The following SMYD3 variants were observed in gnomAD, a reference collection of about 807,000 sequenced individuals.
SMYD3 encodes the protein SET and MYND domain containing 3.
Under a neutral mutation model 57.7 loss-of-function variants are expected in SMYD3, and 36 were observed. That is an observed-to-expected ratio of 0.62 (90% CI 0.48 to 0.82). SMYD3 has a LOEUF of 0.82. Ranked by LOEUF, SMYD3 falls within the 40% of genes least tolerant of loss-of-function variation. SMYD3 has a pLI of 0.00. For synonymous variants in SMYD3, 211 were observed against 195.0 expected, an observed-to-expected ratio of 1.08 and a Z score of -0.68; for missense variants, 515 against 538.8, an observed-to-expected ratio of 0.96 and a Z score of 0.44.
At chr1:246,184,240 G>A (rs2062597869) in intron 5 of SMYD3, among the ~76,000 whole-genome samples, 1 of 152,210 alleles carries the variant, frequency 6.6e-6, no homozygotes, top group Non-Finnish European at 1.5e-5. Context: ...TATATATCAT[G>A]ACCCAAAGAG....
chr1:246,017,540 G>A (rs970601483), intron 5 of SMYD3, among the ~76,000 whole-genome samples: 2 of 152,140 alleles, frequency 1.3e-5, no homozygotes, highest in East Asian at 3.8e-4. Flanking sequence ...GTTTCTTCAC[G>A]AATAGATTGA....
chr1:246,505,550 T>C (rs568558151), intron 1 of SMYD3, among the ~76,000 whole-genome samples: 11 of 135,860 alleles, frequency 8.1e-5, no homozygotes, highest in Non-Finnish European at 1.6e-4. Context: ...CCAGCTACTT[T>C]TGCAGTGCAA....
At chr1:246,368,523 C>T (rs1384476687) in intron 1 of SMYD3, among the ~76,000 whole-genome samples, 1 of 152,182 alleles carries the variant, frequency 6.6e-6, no homozygotes, top group East Asian at 1.9e-4. Context: ...ACTCATTATT[C>T]AGAGCTCCTT....
intron 5 of SMYD3, among the ~76,000 whole-genome samples, chr1:245,993,579 AAGATAGATAGATAGAT>A (rs1210624302): frequency 0.015 from 457 of 30,056 alleles, 6 homozygotes; most frequent in African/African-American, 0.029. Context: ...AAAAAAAAAA[AAGATAGATAGATAGAT>A]AGATAGATAG....
At chr1:246,297,229 C>G (rs2064812577) in intron 5 of SMYD3, among the ~76,000 whole-genome samples, 1 of 152,028 alleles carries the variant, frequency 6.6e-6, no homozygotes, top group African/African-American at 2.4e-5. Context: ...ATTTAAAGAT[C>G]CATGGAGGTG....
At chr1:246,312,505 A>G in intron 5 of SMYD3, among the ~76,000 whole-genome samples, 1 of 152,214 alleles carries the variant, frequency 6.6e-6, no homozygotes, top group East Asian at 1.9e-4. Context: ...GGGAAGAATC[A>G]GAGGTATTCC....
At chr1:246,342,774 A>C (rs2065653161) in intron 2 of SMYD3, among the ~76,000 whole-genome samples, 1 of 152,202 alleles carries the variant, frequency 6.6e-6, no homozygotes, top group South Asian at 2.1e-4. Flanking sequence ...GAGGAAAAAA[A>C]GAACGTGAAT....
At chr1:245,828,388 T>C (rs2049625247) in intron 10 of SMYD3, among the ~76,000 whole-genome samples, 1 of 152,258 alleles carries the variant, frequency 6.6e-6, no homozygotes, top group African/African-American at 2.4e-5. Context: ...GTTTGCTGTA[T>C]TGTTAGAGCC....
At chr1:245,770,082 C>A (rs2046275478) in intron 10 of SMYD3, among the ~76,000 whole-genome samples, 1 of 152,230 alleles carries the variant, frequency 6.6e-6, no homozygotes, top group African/African-American at 2.4e-5. Flanking sequence ...TCAGACCAAG[C>A]AGCTTATCTG....
chr1:246,260,532 C>G, intron 5 of SMYD3, among the ~76,000 whole-genome samples: 1 of 151,942 alleles, frequency 6.6e-6, no homozygotes, highest in East Asian at 1.9e-4. Context: ...CTCACTGCAA[C>G]CTCTGCCTCC....
At chr1:245,927,423 A>C (rs1368819462) in intron 7 of SMYD3, among the ~76,000 whole-genome samples, 1 of 152,194 alleles carries the variant, frequency 6.6e-6, no homozygotes. Context: ...TGGGTTTGTC[A>C]AGTCCCAATG....
At chr1:245,828,938 G>A (rs895687388) in intron 10 of SMYD3, among the ~76,000 whole-genome samples, 2 of 151,966 alleles carry the variant, frequency 1.3e-5, no homozygotes, top group Non-Finnish European at 2.9e-5. Context: ...CCTGACCCCA[G>A]GTGATCTGCC....
At chr1:246,363,684 T>A (rs201747351) in intron 1 of SMYD3, among the ~76,000 whole-genome samples, 8 of 149,822 alleles carry the variant, frequency 5.3e-5, no homozygotes, top group African/African-American at 1.9e-4. Context: ...GATTAAGGGC[T>A]GTGCAAGATG....
chr1:246,426,003 T>C (rs1353591285), intron 1 of SMYD3: 1 of 152,048 alleles, frequency 6.6e-6, no homozygotes, highest in African/African-American at 2.4e-5. Context: ...TATCTCTTTT[T>C]TTTTAAGACT....
At chr1:246,101,064 G>GTTTTTGTTT (rs1558228809) in intron 5 of SMYD3, among the ~76,000 whole-genome samples, 1 of 78,564 alleles carries the variant, frequency 1.3e-5, no homozygotes, top group Non-Finnish European at 3.1e-5. Context: ...ATTTTTAGGG[G>GTTTTTGTTT]TTTTTTGTTT....
chr1:246,081,263 G>T (rs947245718), intron 5 of SMYD3, among the ~76,000 whole-genome samples: 3 of 152,180 alleles, frequency 2.0e-5, no homozygotes, highest in Non-Finnish European at 4.4e-5. Context: ...GTTTAAGCAG[G>T]CATCCTGTTT....
intron 5 of SMYD3, among the ~76,000 whole-genome samples, chr1:246,025,598 C>G (rs1363854461): frequency 6.6e-6 from 1 of 152,162 alleles, no homozygotes; most frequent in Non-Finnish European, 1.5e-5. Context: ...CCCACACCAA[C>G]CACAAAGAAA....
At chr1:245,945,961 G>A (rs1267736241) in intron 5 of SMYD3, among the ~76,000 whole-genome samples, 6 of 152,144 alleles carry the variant, frequency 3.9e-5, no homozygotes, top group South Asian at 2.1e-4. Context: ...GGGCCTGTCC[G>A]GGGATTGAGG....
At chr1:246,325,661 T>C (rs950594199) in intron 5 of SMYD3, among the ~76,000 whole-genome samples, 4 of 152,154 alleles carry the variant, frequency 2.6e-5, no homozygotes, top group East Asian at 1.9e-4. Context: ...AGAACTAGGA[T>C]AGTAATTCAC....
Sources: allele counts gnomAD v4.1 joint callset (sites outside exome capture counted in the v4.1 genomes callset), GRCh38; gene constraint gnomAD v4.1.1; transcripts MANE v1.5; gene names NCBI Gene and HGNC (gene_info 2026-07-23, HGNC 2026-07-21).